The following GRID2 variants were observed in gnomAD, a reference collection of about 807,000 sequenced individuals.
GRID2 encodes the protein glutamate ionotropic receptor delta type subunit 2, also known as glutamate receptor ionotropic, delta-2.
In GRID2, 33 loss-of-function variants were observed where a neutral mutation model predicts 114.8. That is an observed-to-expected ratio of 0.29 (90% CI 0.22 to 0.38). The LOEUF (loss-of-function observed/expected upper bound fraction) is 0.38. Among genes scored for constraint, GRID2 ranks in the 10% least tolerant of loss-of-function variants. The pLI is 1.00. For missense variants in GRID2, 1,184 were observed against 1,257.7 expected (o/e 0.94, Z 0.89); for synonymous variants, 505 against 449.9 (o/e 1.12, Z -1.55).
At chr4:92,437,338 G>C (rs1348345755) in intron 1 of GRID2, among the ~76,000 whole-genome samples, 1 of 152,186 alleles carries the variant, frequency 6.6e-6, no homozygotes, top group African/African-American at 2.4e-5. Flanking sequence ...GGAGTGCAGT[G>C]GCACAATTTT....
At chr4:92,361,669 G>T (rs1012509443) in intron 1 of GRID2, among the ~76,000 whole-genome samples, 4 of 151,922 alleles carry the variant, frequency 2.6e-5, no homozygotes, top group East Asian at 1.9e-4. Context: ...AGTTGCGAGG[G>T]TCAGTGGATA....
intron 2 of GRID2, among the ~76,000 whole-genome samples, chr4:93,061,429 C>CCATTGACTATAGTAAGT (rs1484594809): frequency 4.6e-5 from 7 of 151,640 alleles, no homozygotes; most frequent in Admixed American, 6.6e-5. Context: ...TACTAGCATT[C>CCATTGACTATAGTAAGT]CATTGACTAT....
At chr4:93,577,140 G>A (rs1736501707) in intron 13 of GRID2, among the ~76,000 whole-genome samples, 1 of 152,082 alleles carries the variant, frequency 6.6e-6, no homozygotes, top group African/African-American at 2.4e-5. Context: ...AATTAAGCAT[G>A]TATTAAGTGT....
chr4:93,423,336 C>CTTTTTTTTTTTTTTTTTTTTTTT (rs554663844), intron 10 of GRID2, among the ~76,000 whole-genome samples: 1 of 73,570 alleles, frequency 1.4e-5, no homozygotes, highest in Non-Finnish European at 2.3e-5. Context: ...TTTTTTCTTT[C>CTTTTTTTTTTTTTTTTTTTTTTT]TTTTTTTTTT....
At chr4:92,475,917 CTTTAT>C (rs762543251) in intron 1 of GRID2, among the ~76,000 whole-genome samples, 2 of 150,904 alleles carry the variant, frequency 1.3e-5, no homozygotes, top group African/African-American at 2.4e-5. Flanking sequence ...TAATATTTTA[CTTTAT>C]TTTATTGTAG....
chr4:92,723,096 G>C (rs771501746), intron 2 of GRID2, among the ~76,000 whole-genome samples: 31 of 151,734 alleles, frequency 2.0e-4, no homozygotes, highest in Non-Finnish European at 7.4e-5. Context: ...TAATGGATAA[G>C]GCCTTAGTGA....
At chr4:93,039,160 C>G (rs1420516234) in intron 2 of GRID2, among the ~76,000 whole-genome samples, 1 of 152,100 alleles carries the variant, frequency 6.6e-6, no homozygotes, top group African/African-American at 2.4e-5. Context: ...GAGTTCATGT[C>G]CTTTGCAGGA....
intron 2 of GRID2, among the ~76,000 whole-genome samples, chr4:92,982,566 C>A (rs1003817555): frequency 6.6e-6 from 1 of 152,056 alleles, no homozygotes. Flanking sequence ...TCTGCCCTTT[C>A]ATCCTCACCA....
chr4:92,847,749 G>A lies in GRID2; in HGVS notation c.245-237246G>A, dbSNP rs559747807. 8.6e-5 allele frequency among the ~76,000 whole-genome samples: 13 copies of A among 152,006 alleles called. No homozygotes were observed. In the East Asian group the frequency reaches 1.6e-3, roughly 18 times the overall value. The stretch of plus-strand genomic sequence containing the variant: ...CAAGGAATGTTTATTTTATGGAATG[G>A]AATCAAATAAAATAATCTGTTTCAT... On this transcript the variant is annotated intron_variant, in intron 2 of 15. Transcript: ENST00000282020.
chr4:92,743,926 C>T (rs1304729600), intron 2 of GRID2, among the ~76,000 whole-genome samples: 1 of 152,100 alleles, frequency 6.6e-6, no homozygotes, highest in African/African-American at 2.4e-5. Flanking sequence ...CAGAGGAATT[C>T]AGGTTTCTTA....
chr4:93,148,733 G>A (rs967721493), intron 4 of GRID2, among the ~76,000 whole-genome samples: 3 of 152,090 alleles, frequency 2.0e-5, no homozygotes, highest in African/African-American at 7.2e-5. Flanking sequence ...TTCCATTACA[G>A]TGTTGGAATA....
At chr4:93,623,580 C>T (rs1742413477) in intron 13 of GRID2, among the ~76,000 whole-genome samples, 2 of 152,128 alleles carry the variant, frequency 1.3e-5, no homozygotes, top group Non-Finnish European at 2.9e-5. Flanking sequence ...GACTTGGAAC[C>T]AACCCAAATG....
intron 2 of GRID2, among the ~76,000 whole-genome samples, chr4:92,965,172 A>G (rs1753056674): frequency 6.6e-6 from 1 of 151,772 alleles, no homozygotes; most frequent in African/African-American, 2.4e-5. Context: ...GGAGGGGGGA[A>G]TTGGGGATGA....
intron 2 of GRID2, among the ~76,000 whole-genome samples, chr4:92,665,799 T>C (rs1225368511): frequency 6.6e-6 from 1 of 151,252 alleles, no homozygotes; most frequent in Non-Finnish European, 1.5e-5. Flanking sequence ...GATAGTCTCA[T>C]TGAGGTTGCA....
chr4:92,999,085 A>G (rs945453753), intron 2 of GRID2, among the ~76,000 whole-genome samples: 2 of 151,822 alleles, frequency 1.3e-5, no homozygotes, highest in Non-Finnish European at 2.9e-5. Context: ...TTTTTAATGT[A>G]CTATTTTTTT....
intron 14 of GRID2, among the ~76,000 whole-genome samples, chr4:93,684,104 T>G (rs1326204063): frequency 6.6e-6 from 1 of 152,144 alleles, no homozygotes; most frequent in Non-Finnish European, 1.5e-5. Context: ...TCATACACAC[T>G]CCAGAATAAA....
At chr4:93,033,680 CCT>C (rs1560813765) in intron 2 of GRID2, among the ~76,000 whole-genome samples, 1 of 151,986 alleles carries the variant, frequency 6.6e-6, no homozygotes. Context: ...CCATTCCTCT[CCT>C]CTCTCTCCTT....
chr4:93,281,600 A>G (rs1173185741), intron 8 of GRID2, among the ~76,000 whole-genome samples: 3 of 152,080 alleles, frequency 2.0e-5, no homozygotes, highest in African/African-American at 7.2e-5. Flanking sequence ...ATAGTGAAGC[A>G]ATCTTAGAGA....
intron 14 of GRID2, among the ~76,000 whole-genome samples, chr4:93,671,694 C>T (rs1372364772): frequency 6.6e-6 from 1 of 152,008 alleles, no homozygotes; most frequent in African/African-American, 2.4e-5. Flanking sequence ...CCAGGTTGGG[C>T]GCAGTGGCTC....
Sources: allele counts gnomAD v4.1 joint callset (sites outside exome capture counted in the v4.1 genomes callset), GRCh38; gene constraint gnomAD v4.1.1; transcripts MANE v1.5; gene names NCBI Gene and HGNC (gene_info 2026-07-23, HGNC 2026-07-21).